The following MGAT4C variants were observed in gnomAD, a reference collection of about 807,000 sequenced individuals.
MGAT4C encodes alpha-1,3-mannosyl-glycoprotein 4-beta-N-acetylglucosaminyltransferase C.
Under a neutral mutation model 40.1 loss-of-function variants are expected in MGAT4C, and 19 were observed. The ratio of observed to expected loss-of-function variants is 0.47; its 90% confidence interval spans 0.33 to 0.70. The LOEUF (loss-of-function observed/expected upper bound fraction) is 0.70, where lower values mean the gene tolerates loss of function less well. Among genes scored for constraint, MGAT4C ranks in the 30% least tolerant of loss-of-function variants. The probability of loss-of-function intolerance (pLI) is 0.02; values close to 1 mark genes in which losing one functional copy is unlikely to be tolerated. For missense variants in MGAT4C, 491 were observed against 563.2 expected, an observed-to-expected ratio of 0.87 and a Z score of 1.30; for synonymous variants, 181 against 187.1, an observed-to-expected ratio of 0.97 and a Z score of 0.27.
intron 2 of MGAT4C, among the ~76,000 whole-genome samples, chr12:86,609,703 A>G (rs1962177153): frequency 6.6e-6 from 1 of 151,686 alleles, no homozygotes; most frequent in African/African-American, 2.4e-5. Flanking sequence ...AGTTGCGTGG[A>G]GGCCCTCAAA....
At chr12:86,021,261 C>G (rs1420075978) in intron 2 of MGAT4C, among the ~76,000 whole-genome samples, 1 of 152,002 alleles carries the variant, frequency 6.6e-6, no homozygotes, top group East Asian at 1.9e-4. Flanking sequence ...GGATTATAAA[C>G]CATGCTGCTA....
At chr12:86,727,334 C>T (rs1593154952) in intron 1 of MGAT4C, 1 of 152,056 alleles carries the variant, frequency 6.6e-6, no homozygotes, top group East Asian at 1.9e-4. Context: ...AATTAGGTCA[C>T]TGGCAGTCAG....
intron 3 of MGAT4C, among the ~76,000 whole-genome samples, chr12:86,390,708 G>A (rs1956146863): frequency 6.6e-6 from 1 of 152,034 alleles, no homozygotes; most frequent in South Asian, 2.1e-4. Context: ...GTGACCAGTA[G>A]TCGCAACCTT....
chr12:86,753,285 T>G (rs1273695705), intron 1 of MGAT4C, among the ~76,000 whole-genome samples: 1 of 152,158 alleles, frequency 6.6e-6, no homozygotes, highest in Non-Finnish European at 1.5e-5. Flanking sequence ...AAAGGCATTC[T>G]TAAGCTACAA....
At chr12:86,060,572 G>A (rs1278471703) in intron 1 of MGAT4C, among the ~76,000 whole-genome samples, 2 of 151,810 alleles carry the variant, frequency 1.3e-5, no homozygotes, top group African/African-American at 4.8e-5. Flanking sequence ...TTATATCCTA[G>A]GAATTAAAAT....
intron 2 of MGAT4C, among the ~76,000 whole-genome samples, chr12:86,477,398 C>A (rs61950769): frequency 0.1 from 15,279 of 151,804 alleles, 1,006 homozygotes; most frequent in Middle Eastern, 0.25. Flanking sequence ...ATAGTAGAAA[C>A]TGGGGACTAC....
intron 2 of MGAT4C, among the ~76,000 whole-genome samples, chr12:86,546,611 A>T (rs184771554): frequency 3.2e-4 from 48 of 152,220 alleles, no homozygotes; most frequent in African/African-American, 1.1e-3. Flanking sequence ...AATTTTAAAA[A>T]TGCTTTTGGT....
rs184007261 is a variant in MGAT4C at position 86,517,782 on chromosome 12, A to T, written c.-228-82517T>A. Among the ~76,000 whole-genome samples, 719 of 152,192 alleles carry T rather than the reference A, an allele frequency of 4.7e-3. 4 individuals are homozygous for T. Among genetic ancestry groups the T allele is most frequent in the Non-Finnish European group, 7.3e-3 (499 of 68,006 alleles). On this transcript the variant is annotated intron_variant, in intron 2 of 7. Coordinates refer to the MGAT4C transcript ENST00000548651. ...TGCCTCAGCCTCCCGAGTAGCTGGG[A>T]CGACAGGCGCCCGCCACCACGCCCG...
chr12:86,058,036 G>T (rs1242690505), intron 1 of MGAT4C, among the ~76,000 whole-genome samples: 2 of 151,958 alleles, frequency 1.3e-5, no homozygotes. Flanking sequence ...ATGATTAAAT[G>T]AACTTTTGCT....
At chr12:86,794,778 A>AT (rs1053597807) in intron 1 of MGAT4C, among the ~76,000 whole-genome samples, 1 of 151,778 alleles carries the variant, frequency 6.6e-6, no homozygotes, top group Non-Finnish European at 1.5e-5. Flanking sequence ...ACAGAAATCA[A>AT]TTTTTTTGTT....
intron 1 of MGAT4C, among the ~76,000 whole-genome samples, chr12:86,790,284 T>C (rs1280315570): frequency 6.6e-6 from 1 of 152,140 alleles, no homozygotes; most frequent in Non-Finnish European, 1.5e-5. Context: ...TAGCCACAAT[T>C]GCATTTGGAG....
chr12:86,482,402 C>A (rs929608424), intron 2 of MGAT4C, among the ~76,000 whole-genome samples: 2 of 151,930 alleles, frequency 1.3e-5, no homozygotes, highest in South Asian at 4.1e-4. Context: ...ATAATGTTTT[C>A]TATAATTATC....
chr12:86,746,375 GTTAT>G (rs757677114), intron 1 of MGAT4C, among the ~76,000 whole-genome samples: 1 of 151,556 alleles, frequency 6.6e-6, no homozygotes, highest in Non-Finnish European at 1.5e-5. Context: ...TTGGTGATCT[GTTAT>G]TTATGTTGCT....
chr12:86,032,513 A>G lies in MGAT4C; in HGVS notation c.-7+17161T>C, dbSNP rs945821220. On this transcript the variant is annotated intron_variant, in intron 2 of 4. Transcript: ENST00000611864. ...GTTGATTTGCATTTCTCCAATTATT[A>G]GTAATGTTGAGCATTTTTTCATATG... Among the ~76,000 whole-genome samples, 3 of 149,868 alleles carry G rather than the reference A, an allele frequency of 2.0e-5. No homozygotes were observed. In the Admixed American group the frequency reaches 2.0e-4, roughly 10 times the overall value.
At chr12:86,772,787 T>C (rs1951661322) in intron 1 of MGAT4C, among the ~76,000 whole-genome samples, 1 of 152,210 alleles carries the variant, frequency 6.6e-6, no homozygotes, top group Non-Finnish European at 1.5e-5. Flanking sequence ...AATTGAAACG[T>C]ATATCCAATT....
At chr12:86,629,263 G>C (rs1322405446) in intron 2 of MGAT4C, among the ~76,000 whole-genome samples, 1 of 152,130 alleles carries the variant, frequency 6.6e-6, no homozygotes, top group Non-Finnish European at 1.5e-5. Flanking sequence ...GCAGTCCTTA[G>C]AGACCTGCAA....
At chr12:86,499,676 T>G (rs760350037) in intron 2 of MGAT4C, among the ~76,000 whole-genome samples, 1 of 151,932 alleles carries the variant, frequency 6.6e-6, no homozygotes, top group Non-Finnish European at 1.5e-5. Context: ...GTACAATCAC[T>G]TTCTAATAAT....
intron 4 of MGAT4C, among the ~76,000 whole-genome samples, chr12:86,315,554 A>C (rs1270190410): frequency 3.3e-5 from 5 of 151,978 alleles, no homozygotes; most frequent in African/African-American, 1.2e-4. Flanking sequence ...TATAAAAAAA[A>C]AATTAGCCGG....
intron 1 of MGAT4C, among the ~76,000 whole-genome samples, chr12:86,786,044 T>A (rs534537488): frequency 6.6e-6 from 1 of 152,162 alleles, no homozygotes; most frequent in African/African-American, 2.4e-5. Context: ...TTACAGCAAT[T>A]CTATGTTTAC....
Sources: gnomAD v4.1 joint callset for allele counts (sites outside exome capture counted in the v4.1 genomes callset) on GRCh38, gnomAD v4.1.1 for gene constraint, MANE v1.5 for transcripts, NCBI Gene and HGNC (gene_info 2026-07-23, HGNC 2026-07-21) for gene names.